Variants in FUT8 observed in about 807,000 individuals in gnomAD.
FUT8 encodes the protein fucosyltransferase 8.
A neutral mutation model predicts 71.3 loss-of-function variants in FUT8; 29 were observed. The observed-to-expected ratio is 0.41, with a 90% CI of 0.30 to 0.55. The LOEUF (loss-of-function observed/expected upper bound fraction) is 0.55. FUT8 is among the 20% of genes least tolerant of loss of function. The pLI is 0.34. For synonymous variants in FUT8, 254 were observed against 239.3 expected (o/e 1.06, Z -0.57); for missense variants, 544 against 702.1 (o/e 0.77, Z 2.55).
At chr14:65,593,841 G>A (rs1887821429) in intron 3 of FUT8, among the ~76,000 whole-genome samples, 1 of 152,214 alleles carries the variant, frequency 6.6e-6, no homozygotes, top group African/African-American at 2.4e-5. Flanking sequence ...CTCCCAAAGT[G>A]CTGGGATTAC....
intron 7 of FUT8, among the ~76,000 whole-genome samples, chr14:65,699,196 A>C (rs1443920466): frequency 7.2e-6 from 1 of 138,944 alleles, no homozygotes; most frequent in African/African-American, 2.7e-5. Context: ...ACACACACAC[A>C]CACGCCCATG....
At chr14:65,641,425 T>C (rs1890823816) in intron 6 of FUT8, among the ~76,000 whole-genome samples, 1 of 152,208 alleles carries the variant, frequency 6.6e-6, no homozygotes, top group Non-Finnish European at 1.5e-5. Context: ...TGATGAACAC[T>C]TGGTTGTTTC....
At chr14:65,383,265 CTTTTTTTTTTTTTTTTTTT>C in the FUT8 span, among the ~76,000 whole-genome samples, 1 of 86,514 alleles carries the variant, frequency 1.2e-5, no homozygotes, top group South Asian at 4.5e-4. Flanking sequence ...TTTTTCTTTT[CTTTTTTTTTTTTTTTTTTT>C]TTTTTTTTGA....
intron 3 of FUT8, among the ~76,000 whole-genome samples, chr14:65,606,440 T>TA (rs952608453): frequency 5.9e-5 from 9 of 151,432 alleles, no homozygotes; most frequent in East Asian, 3.9e-4. Context: ...TTTGGGCTTT[T>TA]AAAAAAAAAT....
intron 7 of FUT8, among the ~76,000 whole-genome samples, chr14:65,710,044 A>C (rs541090721): frequency 6.6e-6 from 1 of 152,344 alleles, no homozygotes; most frequent in South Asian, 2.1e-4. Flanking sequence ...AGGAAATGTA[A>C]GAGGAAAAGC....
At chr14:65,513,684 G>T (rs1882515063) in intron 2 of FUT8, among the ~76,000 whole-genome samples, 1 of 152,090 alleles carries the variant, frequency 6.6e-6, no homozygotes, top group African/African-American at 2.4e-5. Context: ...CTCTCCGTGT[G>T]TTAACAAAAC....
chr14:65,361,737 A>G, the FUT8 span, among the ~76,000 whole-genome samples: 96 of 152,284 alleles, frequency 6.3e-4, no homozygotes, highest in South Asian at 3.3e-3. Flanking sequence ...CAGTGAGCAG[A>G]CGCTGTGCCA....
In FUT8 at chr14:65,435,923, T is replaced by C. The variant is rs1416040866; in HGVS notation, c.-325-19698T>C. 4.8e-5 allele frequency among the ~76,000 whole-genome samples: 5 copies of C among 105,002 alleles called. No individual in the cohort carries two copies. In the South Asian group the frequency reaches 8.3e-4, roughly 17 times the overall value. 68.9% of individuals were successfully genotyped at this position (105,002 alleles called of 152,430 possible). ...TTCGTGTGCTTTAAGATATCTTCCCTTTTTTTTTTTTTTTTTTCTTTAAAA... is the reference window on the plus strand; with the variant it reads ...TTCGTGTGCTTTAAGATATCTTCCCCTTTTTTTTTTTTTTTTTCTTTAAAA... On this transcript the variant is annotated intron_variant, in intron 1 of 10. Coordinates refer to ENST00000673929, the MANE Select transcript of FUT8 (RefSeq NM_001371533.1).
At chr14:65,408,943 C>T (rs937037468), upstream of FUT8, among the ~76,000 whole-genome samples, 4 of 152,178 alleles carry the variant, frequency 2.6e-5, no homozygotes, top group African/African-American at 9.7e-5. Context: ...ATTCTGCGAC[C>T]TTGTCTCTAA....
At chr14:65,411,774 A>G, upstream of FUT8, 2 of 332,516 alleles carry the variant, frequency 6.0e-6, no homozygotes, top group South Asian at 4.5e-5. Context: ...TGGAACGGGA[A>G]GCTCATCTTC....
chr14:65,527,517 C>T lies in FUT8; in HGVS notation c.-227-33820C>T, dbSNP rs890359984. On this transcript the variant is annotated intron_variant, in intron 2 of 10. Coordinates refer to ENST00000673929, the MANE Select transcript of FUT8 (RefSeq NM_001371533.1). ...CTTTGTGATGGGTTTGAACTTCCTC[C>T]TTTAGCTTGGAGAAGTTTGATCGTC... is the stretch of plus-strand genomic sequence containing the variant. Among the ~76,000 whole-genome samples, 3 of 152,148 alleles carry T rather than the reference C, an allele frequency of 2.0e-5. No homozygotes were observed. The South Asian group carries it at 6.2e-4, about 32-fold the overall frequency.
chr14:65,630,520 A>G (rs1890129492), intron 6 of FUT8, among the ~76,000 whole-genome samples: 1 of 152,212 alleles, frequency 6.6e-6, no homozygotes, highest in African/African-American at 2.4e-5. Flanking sequence ...CTTAAGTGAT[A>G]TTAATCTGAA....
chr14:65,575,624 T>TTCCTTCCTTCCTTCCTTC (rs1450820244), intron 3 of FUT8, among the ~76,000 whole-genome samples: 3 of 137,298 alleles, frequency 2.2e-5, no homozygotes, highest in African/African-American at 5.5e-5. Context: ...CCTTCCTTCC[T>TTCCTTCCTTCCTTCCTTC]CTTTTTTTTT....
In FUT8 at chr14:65,419,327, T is replaced by TA. The variant is rs929287884; in HGVS notation, c.-326+6124dup. Among the ~76,000 whole-genome samples, 500 of 146,052 alleles carry TA rather than the reference T, an allele frequency of 3.4e-3. 3 individuals carry two copies. The highest frequency in any genetic ancestry group is 0.01 in the Middle Eastern group (3 of 286). ...CTTCATGTGCCTCATTACTGTAATG[T>TA]AAAAAAAAAAACTATGTTCATTGAA... On this transcript the variant is annotated intron_variant, in intron 1 of 10. Transcript: ENST00000673929.
chr14:65,419,427 C>T (rs2065262229), intron 1 of FUT8, among the ~76,000 whole-genome samples: 1 of 152,074 alleles, frequency 6.6e-6, no homozygotes, highest in Non-Finnish European at 1.5e-5. Context: ...AGGTTTAAGA[C>T]AGTTACTGTG....
At chr14:65,429,707 T>TA (rs2065440569) in intron 1 of FUT8, among the ~76,000 whole-genome samples, 2 of 151,452 alleles carry the variant, frequency 1.3e-5, no homozygotes, top group Admixed American at 1.3e-4. Context: ...TACAAATAAT[T>TA]AAAAAATCAG....
chr14:65,700,361 ACTTTCTTTT>A (rs1214492474), intron 7 of FUT8, among the ~76,000 whole-genome samples: 1 of 125,584 alleles, frequency 8.0e-6, no homozygotes. Flanking sequence ...CTCTTAAACT[ACTTTCTTTT>A]CTTTCTTTCT....
Position 65,634,458 on chromosome 14 carries a change from C to G in FUT8, c.597+4852C>G, listed in dbSNP as rs1441397471. ...CTGCAGGGTCCTCTGCCTAGGAAAA[C>G]CAGAGACCTTTGTTCACTTGTTTAT... On this transcript the variant is annotated intron_variant, in intron 6 of 10. Transcript: ENST00000673929. Among the ~76,000 whole-genome samples the G allele has an allele frequency of 4.6e-5, 7 of 152,002 alleles. No individual in the cohort carries two copies. The South Asian group carries it at 1.0e-3, about 23-fold the overall frequency.
intron 10 of FUT8, among the ~76,000 whole-genome samples, chr14:65,738,345 A>C (rs919899565): frequency 6.6e-6 from 1 of 152,038 alleles, no homozygotes; most frequent in African/African-American, 2.4e-5. Context: ...ACTCTGAGAA[A>C]GCTTTGGAGG....
Sources: gnomAD v4.1 joint callset for allele counts (sites outside exome capture counted in the v4.1 genomes callset) on GRCh38, gnomAD v4.1.1 for gene constraint, MANE v1.5 for transcripts, NCBI Gene and HGNC (gene_info 2026-07-23, HGNC 2026-07-21) for gene names.